HDAC9: variants seen among roughly 807,000 people sequenced by gnomAD.
The protein encoded by HDAC9 is MEF-2 interacting transcription repressor (MITR) protein.
In HDAC9, 41 loss-of-function variants were observed where a neutral mutation model predicts 139.4. That is an observed-to-expected ratio of 0.29 (90% confidence interval 0.23 to 0.38). The LOEUF (loss-of-function observed/expected upper bound fraction) is 0.38, where lower values mean the gene tolerates loss of function less well. Among genes scored for constraint, HDAC9 ranks in the 10% least tolerant of loss-of-function variants. The pLI is 1.00. For synonymous variants in HDAC9, 517 were observed against 476.2 expected, an observed-to-expected ratio of 1.09 and a Z score of -1.12; for missense variants, 1,147 against 1,297.0, an observed-to-expected ratio of 0.88 and a Z score of 1.78.
intron 9 of HDAC9, among the ~76,000 whole-genome samples, 200 bp downstream of exon 9, chr7:18,644,993 A>G (rs543252029): frequency 2.0e-5 from 3 of 152,286 alleles, no homozygotes; most frequent in South Asian, 4.1e-4. Flanking sequence ...ACATAATCAT[A>G]TGTAAACATA....
chr7:18,676,628 T>C (rs1781529112), intron 12 of HDAC9, among the ~76,000 whole-genome samples: 1 of 152,036 alleles, frequency 6.6e-6, no homozygotes, highest in South Asian at 2.1e-4. Flanking sequence ...TTTTCTACTG[T>C]AAATTATAAA....
rs1183185883 is a variant in HDAC9, at chr7:18,725,864, G to A, written c.1732-1716G>A. ...AAGAAAACAGGAGAGTTAGACTCTT[G>A]TAAAAGTGTATAAACCATTGTAGCT... On this transcript the variant is annotated intron_variant, in intron 12 of 25. Transcript: ENST00000686413. Among the ~76,000 whole-genome samples the A allele has an allele frequency of 2.0e-5, 3 of 152,144 alleles. No individual in the cohort carries two copies. In the East Asian group the frequency reaches 5.8e-4, roughly 29 times the overall value.
chr7:18,422,304 G>C (rs773258576), intron 1 of HDAC9, among the ~76,000 whole-genome samples: 24 of 152,106 alleles, frequency 1.6e-4, no homozygotes, highest in African/African-American at 5.5e-4. Context: ...AAGGAAACAC[G>C]GTCTAGTTAT....
intron 1 of HDAC9, among the ~76,000 whole-genome samples, chr7:18,362,752 T>C (rs901708733): frequency 6.6e-6 from 1 of 152,206 alleles, no homozygotes; most frequent in Non-Finnish European, 1.5e-5. Flanking sequence ...ATATACTGGC[T>C]TTCATGCTAC....
chr7:18,291,344 CA>C (rs1167101637), intron 1 of HDAC9, among the ~76,000 whole-genome samples: 1 of 151,982 alleles, frequency 6.6e-6, no homozygotes, highest in Non-Finnish European at 1.5e-5. Context: ...TGTTTGGGGT[CA>C]AATTTGGTTC....
At chr7:18,098,506 G>A (rs917104042) in intron 1 of HDAC9, among the ~76,000 whole-genome samples, 7 of 152,152 alleles carry the variant, frequency 4.6e-5, no homozygotes, top group Non-Finnish European at 1.0e-4. Flanking sequence ...ACTTCAGCAT[G>A]GAAGCTTGCC....
At position 18,112,439 on chromosome 7, in the gene HDAC9, A is replaced by C. The variant is rs529826008; in HGVS notation, c.-97+25226A>C. On this transcript the variant is annotated intron_variant, in intron 1 of 12. Coordinates refer to the HDAC9 transcript ENST00000417496. ...AAAATCGAGGAAATGGTCTTTCGGTACTTGTGAACTGTCATCCAATTCAAT... is the reference window on the plus strand; with the variant it reads ...AAAATCGAGGAAATGGTCTTTCGGTCCTTGTGAACTGTCATCCAATTCAAT... Among the ~76,000 whole-genome samples the C allele has an allele frequency of 7.2e-5, 11 of 152,330 alleles. No individual in the cohort carries two copies. In the South Asian group the frequency reaches 2.3e-3, roughly 32 times the overall value.
chr7:18,309,143 G>T (rs1436374247), intron 1 of HDAC9, among the ~76,000 whole-genome samples: 1 of 152,114 alleles, frequency 6.6e-6, no homozygotes, highest in Non-Finnish European at 1.5e-5. Flanking sequence ...CTTGTTCTAT[G>T]GCGTTTGGGA....
intron 13 of HDAC9, among the ~76,000 whole-genome samples, chr7:18,732,430 ATG>A (rs944758703): frequency 4.2e-4 from 62 of 148,784 alleles, no homozygotes; most frequent in Non-Finnish European, 7.8e-4. Flanking sequence ...GCATGTGTGT[ATG>A]TGTCTATCTG....
At chr7:18,977,242 C>G (rs1784603578) in intron 25 of HDAC9, among the ~76,000 whole-genome samples, 1 of 152,194 alleles carries the variant, frequency 6.6e-6, no homozygotes, top group Non-Finnish European at 1.5e-5. Flanking sequence ...AGAACTGAAC[C>G]AAGTTCATAA....
intron 22 of HDAC9, among the ~76,000 whole-genome samples, chr7:18,934,696 G>A (rs1781498033): frequency 6.6e-6 from 1 of 152,116 alleles, no homozygotes; most frequent in Non-Finnish European, 1.5e-5. Flanking sequence ...GCAAGGATGT[G>A]ACTTAACTGG....
chr7:18,193,884 A>G (rs1201392830), intron 2 of HDAC9, among the ~76,000 whole-genome samples: 2 of 151,980 alleles, frequency 1.3e-5, no homozygotes, highest in African/African-American at 4.8e-5. Context: ...GTTCTGTTTT[A>G]TCTCTTTTTT....
chr7:18,484,131 C>G (rs555942685), intron 1 of HDAC9, among the ~76,000 whole-genome samples: 1 of 139,606 alleles, frequency 7.2e-6, no homozygotes. Context: ...TTGCTTGAGC[C>G]AAGGAGTTCA....
chr7:18,875,523 A>G (rs1254433499), intron 22 of HDAC9, among the ~76,000 whole-genome samples: 3 of 152,304 alleles, frequency 2.0e-5, no homozygotes, highest in African/African-American at 7.2e-5. Context: ...CTGGCTTCTC[A>G]TGTGAAAGAG....
intron 2 of HDAC9, among the ~76,000 whole-genome samples, chr7:18,579,458 A>T (rs1827088602): frequency 6.6e-6 from 1 of 152,226 alleles, no homozygotes; most frequent in Non-Finnish European, 1.5e-5. Context: ...TGGAGTTAGC[A>T]TGCCCAAACT....
At chr7:18,404,732 G>C (rs1787853259) in intron 1 of HDAC9, among the ~76,000 whole-genome samples, 12 of 152,130 alleles carry the variant, frequency 7.9e-5, no homozygotes. Context: ...ATAAACAATA[G>C]TTAAGTTTCT....
chr7:18,321,946 T>G (rs997812426), intron 1 of HDAC9, among the ~76,000 whole-genome samples: 1 of 152,196 alleles, frequency 6.6e-6, no homozygotes, highest in Non-Finnish European at 1.5e-5. Context: ...TAGAGAGATA[T>G]TTAACATTTC....
chr7:18,857,302 G>A (rs1324623961), intron 21 of HDAC9, among the ~76,000 whole-genome samples: 1 of 150,012 alleles, frequency 6.7e-6, no homozygotes, highest in Non-Finnish European at 1.5e-5. Context: ...AGATAAAAGA[G>A]TGTCACATAT....
intron 24 of HDAC9, among the ~76,000 whole-genome samples, chr7:18,956,368 T>C (rs1309124436): frequency 6.6e-6 from 1 of 152,182 alleles, no homozygotes; most frequent in East Asian, 1.9e-4. Flanking sequence ...TTTAAATGTC[T>C]GTTAGCTCTG....
Sources: allele counts gnomAD v4.1 joint callset (sites outside exome capture counted in the v4.1 genomes callset), GRCh38; gene constraint gnomAD v4.1.1; transcripts MANE v1.5; gene names NCBI Gene and HGNC (gene_info 2026-07-23, HGNC 2026-07-21).